The following PMFBP1 variants were observed in gnomAD, a reference collection of about 807,000 sequenced individuals.
PMFBP1 encodes polyamine modulated factor 1 binding protein 1.
A neutral mutation model predicts 137.8 loss-of-function variants in PMFBP1; 131 were observed. The ratio of observed to expected loss-of-function variants is 0.95; its 90% CI spans 0.82 to 1.10. The LOEUF is 1.10. Among genes scored for constraint, PMFBP1 ranks in the 50% least tolerant of loss-of-function variants. The pLI, the probability that PMFBP1 is intolerant of heterozygous loss-of-function variation, is 0.00. For synonymous variants in PMFBP1, 490 were observed against 450.4 expected, an observed-to-expected ratio of 1.09 and a Z score of -1.11; for missense variants, 1,199 against 1,175.4, an observed-to-expected ratio of 1.02 and a Z score of -0.29.
At chr16:72,189,599 C>G in the PMFBP1 span, among the ~76,000 whole-genome samples, 1 of 152,318 alleles carries the variant, frequency 6.6e-6, no homozygotes, top group African/African-American at 2.4e-5. Flanking sequence ...ACAGTGTCAG[C>G]TGCTACAGAA....
rs2042398789 is a variant in PMFBP1, at chr16:72,123,004, A to G, written c.2694-16T>C. The G allele has an allele frequency of 1.9e-6, 3 of 1,609,170 alleles. No individual in the cohort carries two copies. Among genetic ancestry groups the G allele is most frequent in the Non-Finnish European group, 2.5e-6 (3 of 1,178,042 alleles). ...ATTGGCGACCCTGTAATAAAATCAC[A>G]GGAGAAAACAGCAGCCAGTCGCCAG... On this transcript the variant is annotated splice_polypyrimidine_tract_variant and intron_variant, in intron 18 of 20. Transcript: ENST00000237353.
chr16:72,184,210 C>A, the PMFBP1 span, among the ~76,000 whole-genome samples: 1 of 152,176 alleles, frequency 6.6e-6, no homozygotes, highest in Non-Finnish European at 1.5e-5. Flanking sequence ...CACTCTACAT[C>A]CTCCCTGGTC....
At chr16:72,199,489 A>G in the PMFBP1 span, among the ~76,000 whole-genome samples, 2 of 151,998 alleles carry the variant, frequency 1.3e-5, no homozygotes. Flanking sequence ...CCCTGTCTCT[A>G]CTAAAAATAC....
At chr16:72,219,834 T>C in the PMFBP1 span, among the ~76,000 whole-genome samples, 2 of 152,206 alleles carry the variant, frequency 1.3e-5, no homozygotes, top group Admixed American at 6.5e-5. Flanking sequence ...TAAGTCAATA[T>C]AACACACATT....
chr16:72,245,258 G>A, the PMFBP1 span, among the ~76,000 whole-genome samples: 1 of 152,184 alleles, frequency 6.6e-6, no homozygotes, highest in African/African-American at 2.4e-5. Context: ...CATTTAACAT[G>A]TGCTAGGCAC....
chr16:72,136,737 A>G lies in PMFBP1; in HGVS notation c.1001T>C (p.Val334Ala). Residue 334 changes from valine (V) to alanine (A), a missense_variant, in exon 8 of 21, where the codon GTG (valine) becomes GCG (alanine). Val to Ala is a moderately conservative substitution (Grantham distance 64). Transcript: ENST00000237353. ...EYQNLVKDLRVELEAVSEQKR... is the reference protein window; with the variant it reads ...EYQNLVKDLRAELEAVSEQKR... ...CTGTTCCGACACGGCCTCTAGTTCC[A>G]CGCGCAGATCCTTCACCAGGTTCTG... is the stretch of plus-strand genomic sequence containing the variant. The G allele has an allele frequency of 6.2e-7, 1 of 1,613,962 alleles. No homozygotes were observed. Among genetic ancestry groups the G allele is most frequent in the Non-Finnish European group, 8.5e-7 (1 of 1,179,986 alleles).
intron 4 of PMFBP1, among the ~76,000 whole-genome samples, chr16:72,153,296 C>G (rs552794688): frequency 2.0e-5 from 3 of 152,304 alleles, no homozygotes; most frequent in Non-Finnish European, 4.4e-5. Context: ...TGACAATATT[C>G]CCTTTTTAAA....
chr16:72,127,785 C>T (rs2042484122), intron 14 of PMFBP1, among the ~76,000 whole-genome samples: 2 of 152,226 alleles, frequency 1.3e-5, no homozygotes, highest in Non-Finnish European at 2.9e-5. Context: ...TTCATTCCAT[C>T]AGCTCAGACA....
chr16:72,175,909 A>G (rs537324185), upstream of PMFBP1, among the ~76,000 whole-genome samples: 1 of 152,284 alleles, frequency 6.6e-6, no homozygotes, highest in South Asian at 2.1e-4. Flanking sequence ...AATTATTTCT[A>G]CCCAGAAAGT....
At chr16:72,198,503 C>A in the PMFBP1 span, among the ~76,000 whole-genome samples, 1 of 152,066 alleles carries the variant, frequency 6.6e-6, no homozygotes, top group Non-Finnish European at 1.5e-5. Flanking sequence ...CCCGCACATC[C>A]CCCTGCCCTG....
the PMFBP1 span, among the ~76,000 whole-genome samples, chr16:72,237,820 C>A: frequency 6.6e-6 from 1 of 152,092 alleles, no homozygotes; most frequent in Non-Finnish European, 1.5e-5. Flanking sequence ...CTAATAGGCC[C>A]CAGTGTTTAT....
In PMFBP1 at chr16:72,171,215, G is replaced by C. The variant is rs751466744; in HGVS notation, c.-7C>G. The C allele has an allele frequency of 6.2e-7, 1 of 1,613,674 alleles. No homozygotes were observed. Among genetic ancestry groups the C allele is most frequent in the East Asian group, 2.2e-5 (1 of 44,874 alleles). On this transcript the variant is annotated 5_prime_UTR_variant, in exon 2 of 21. Transcript: ENST00000237353. Reference sequence around the variant, plus strand: ...GCCTTACCTCATCTTTCATTTCCTTGGCAGCTCTCAATTCTCCTTTAACCT... The same window carrying C: ...GCCTTACCTCATCTTTCATTTCCTTCGCAGCTCTCAATTCTCCTTTAACCT...
At chr16:72,205,517 G>C in the PMFBP1 span, among the ~76,000 whole-genome samples, 2 of 152,110 alleles carry the variant, frequency 1.3e-5, no homozygotes, top group Non-Finnish European at 2.9e-5. Flanking sequence ...CTGTGGGTAG[G>C]GTGACCCCAA....
At chr16:72,171,393 A>G in intron 1 of PMFBP1, 125 bp from the exon 2 acceptor site, 1 of 573,980 alleles carries the variant, frequency 1.7e-6, no homozygotes, top group Non-Finnish European at 3.1e-6. Context: ...TGTTAGCAAT[A>G]CCCACTTGCT....
At chr16:72,233,910 G>C in the PMFBP1 span, among the ~76,000 whole-genome samples, 1 of 152,104 alleles carries the variant, frequency 6.6e-6, no homozygotes, top group Non-Finnish European at 1.5e-5. Context: ...ACAGGTGTCA[G>C]TATTTCATTC....
the PMFBP1 span, among the ~76,000 whole-genome samples, chr16:72,238,377 T>C: frequency 6.6e-6 from 1 of 152,262 alleles, no homozygotes; most frequent in Non-Finnish European, 1.5e-5. Flanking sequence ...ACTGTGGTTT[T>C]GATTTGCATT....
At chr16:72,203,622 G>A in the PMFBP1 span, among the ~76,000 whole-genome samples, 1 of 152,090 alleles carries the variant, frequency 6.6e-6, no homozygotes, top group African/African-American at 2.4e-5. Context: ...GGCAAGTACG[G>A]ATGGTGGCCA....
chr16:72,237,326 T>C, the PMFBP1 span, among the ~76,000 whole-genome samples: 1 of 152,134 alleles, frequency 6.6e-6, no homozygotes, highest in Non-Finnish European at 1.5e-5. Flanking sequence ...CTTCTCATTA[T>C]CCTCCTTGGC....
chr16:72,222,648 G>A, the PMFBP1 span, among the ~76,000 whole-genome samples: 1 of 152,154 alleles, frequency 6.6e-6, no homozygotes, highest in African/African-American at 2.4e-5. Context: ...TTAGACTGCC[G>A]ACTCTCCCAC....
Sources: allele counts gnomAD v4.1 joint callset (sites outside exome capture counted in the v4.1 genomes callset), GRCh38; gene constraint gnomAD v4.1.1; transcripts MANE v1.5; gene names NCBI Gene and HGNC (gene_info 2026-07-23, HGNC 2026-07-21).